The following PKNOX2 variants were observed in gnomAD, a reference collection of about 807,000 sequenced individuals.
The protein encoded by PKNOX2 is homeobox protein PKNOX2.
Under a neutral mutation model 53.1 loss-of-function variants are expected in PKNOX2, and 14 were observed. The ratio of observed to expected loss-of-function variants is 0.26; its 90% confidence interval spans 0.17 to 0.41. The LOEUF is 0.41. Among genes scored for constraint, PKNOX2 ranks in the 10% least tolerant of loss-of-function variants. The pLI, the probability that PKNOX2 is intolerant of heterozygous loss-of-function variation, is 1.00. For synonymous variants in PKNOX2, 257 were observed against 242.8 expected (o/e 1.06, Z -0.54); for missense variants, 496 against 602.8 (o/e 0.82, Z 1.85).
At chr11:125,288,782 G>A (rs1384663711) in intron 2 of PKNOX2, among the ~76,000 whole-genome samples, 1 of 152,216 alleles carries the variant, frequency 6.6e-6, no homozygotes, top group African/African-American at 2.4e-5. Flanking sequence ...CGGAAAGATT[G>A]TGAGAAATGC....
chr11:125,249,131 G>T (rs1041382392), intron 2 of PKNOX2, among the ~76,000 whole-genome samples: 1 of 129,534 alleles, frequency 7.7e-6, no homozygotes, highest in Non-Finnish European at 1.7e-5. Flanking sequence ...AATTTTTACT[G>T]GTAGAGTTTT....
chr11:125,320,368 A>G (rs1949451934), intron 2 of PKNOX2, among the ~76,000 whole-genome samples: 2 of 152,258 alleles, frequency 1.3e-5, no homozygotes, highest in East Asian at 1.9e-4. Flanking sequence ...AGAACAAGAG[A>G]TACACCCTAG....
chr11:125,389,322 T>C (rs1011538979), intron 6 of PKNOX2, among the ~76,000 whole-genome samples: 1 of 152,230 alleles, frequency 6.6e-6, no homozygotes, highest in Non-Finnish European at 1.5e-5. Flanking sequence ...AGCTGACTCC[T>C]GATCCTCCGC....
intron 10 of PKNOX2, among the ~76,000 whole-genome samples, chr11:125,418,608 G>C (rs1222367243): frequency 6.6e-6 from 1 of 152,012 alleles, no homozygotes; most frequent in East Asian, 1.9e-4. Flanking sequence ...CCAGCCAGTT[G>C]CCTCTGTGCC....
intron 2 of PKNOX2, among the ~76,000 whole-genome samples, chr11:125,255,302 C>T (rs1283440156): frequency 4.6e-5 from 7 of 152,168 alleles, no homozygotes; most frequent in African/African-American, 9.7e-5. Flanking sequence ...GGAGCATTTC[C>T]GTGATGCCTC....
At chr11:125,202,692 C>T (rs1158407483) in intron 1 of PKNOX2, among the ~76,000 whole-genome samples, 1 of 150,232 alleles carries the variant, frequency 6.7e-6, no homozygotes, top group East Asian at 2.0e-4. Flanking sequence ...GTGGAATGTG[C>T]TCTTAGGGCT....
chr11:125,256,229 C>T (rs1290497018), intron 2 of PKNOX2, among the ~76,000 whole-genome samples: 2 of 151,934 alleles, frequency 1.3e-5, no homozygotes, highest in African/African-American at 4.8e-5. Flanking sequence ...GGGGAAGACC[C>T]AAGACACAGT....
At chr11:125,272,335 A>C (rs1296002457) in intron 2 of PKNOX2, among the ~76,000 whole-genome samples, 1 of 152,220 alleles carries the variant, frequency 6.6e-6, no homozygotes, top group African/African-American at 2.4e-5. Flanking sequence ...GCATCTGTGA[A>C]GCTCTTTACC....
chr11:125,301,727 C>A (rs1397866899), intron 2 of PKNOX2, among the ~76,000 whole-genome samples: 1 of 152,074 alleles, frequency 6.6e-6, no homozygotes, highest in South Asian at 2.1e-4. Context: ...TTGGTGGACT[C>A]AGCTTGGGCA....
At chr11:125,409,038 T>C (rs1473236837) in intron 7 of PKNOX2, among the ~76,000 whole-genome samples, 2 of 152,178 alleles carry the variant, frequency 1.3e-5, no homozygotes, top group Admixed American at 1.3e-4. Context: ...TTGGACCTGT[T>C]AACTGGTTCA....
chr11:125,174,831 G>A (rs1166627317), intron 1 of PKNOX2, among the ~76,000 whole-genome samples: 2 of 152,124 alleles, frequency 1.3e-5, no homozygotes, highest in South Asian at 2.1e-4. Context: ...GGTGGTGGAA[G>A]GAGCTCCTCT....
chr11:125,431,589 C>T lies in PKNOX2; in HGVS notation c.*197C>T. 4.7e-6 allele frequency: 3 copies of T among 634,232 alleles called. No individual in the cohort carries two copies. The highest frequency in any genetic ancestry group is 8.0e-6 in the Non-Finnish European group (3 of 373,386). The allele number at this position is 634,232 out of a possible 1,614,324, so 39.3% of individuals were successfully genotyped here. On this transcript the variant is annotated 3_prime_UTR_variant, in exon 13 of 13. Transcript: ENST00000298282. ...ACCGAGCTTCAATGAGGACCCCAGC[C>T]CCACTTCCCTGGAACTGCCGAGGAC...
chr11:125,241,538 A>G (rs2135600283), intron 2 of PKNOX2, among the ~76,000 whole-genome samples: 1 of 152,320 alleles, frequency 6.6e-6, no homozygotes, highest in South Asian at 2.1e-4. Context: ...TCCTGGTCAT[A>G]ACAGGCACCC....
rs1452928451 is a variant in PKNOX2, at chr11:125,207,306, G to T, written c.-200-27739G>T. ...TTTCATCTTGAGTTCCAACATCTATGGAACATATAGCTGGAGACGTCTAGC... is the reference window on the plus strand; with the variant it reads ...TTTCATCTTGAGTTCCAACATCTATTGAACATATAGCTGGAGACGTCTAGC... On this transcript the variant is annotated intron_variant, in intron 1 of 12. Transcript: ENST00000298282. Among the ~76,000 whole-genome samples, 4 of 151,508 alleles carry T rather than the reference G, an allele frequency of 2.6e-5. No individual in the cohort carries two copies. The East Asian group carries it at 7.7e-4, about 29-fold the overall frequency.
intron 1 of PKNOX2, among the ~76,000 whole-genome samples, chr11:125,223,290 C>T (rs996431751): frequency 6.6e-6 from 1 of 151,692 alleles, no homozygotes; most frequent in African/African-American, 2.4e-5. Context: ...AATGCAATGG[C>T]GCAATCTTGG....
chr11:125,416,259 C>T (rs1487381446), intron 10 of PKNOX2, among the ~76,000 whole-genome samples: 1 of 145,622 alleles, frequency 6.9e-6, no homozygotes, highest in Non-Finnish European at 1.5e-5. Context: ...GCCGAGATCC[C>T]GCCACTGCAC....
intron 2 of PKNOX2, among the ~76,000 whole-genome samples, chr11:125,330,763 A>G (rs559742714): frequency 6.7e-6 from 1 of 149,868 alleles, no homozygotes; most frequent in African/African-American, 2.5e-5. Context: ...CAAATGTCTA[A>G]ATTTCCACCA....
chr11:125,222,499 T>C (rs1941246670), intron 1 of PKNOX2, among the ~76,000 whole-genome samples: 1 of 152,238 alleles, frequency 6.6e-6, no homozygotes, highest in Admixed American at 6.5e-5. Context: ...ACAGTCTGAC[T>C]GGCTGGCCTC....
chr11:125,315,627 G>C (rs1373929037), intron 2 of PKNOX2, among the ~76,000 whole-genome samples: 1 of 152,212 alleles, frequency 6.6e-6, no homozygotes. Context: ...TGAGTGCATG[G>C]CAGCTAATGG....
Sources: allele counts gnomAD v4.1 joint callset (sites outside exome capture counted in the v4.1 genomes callset), GRCh38; gene constraint gnomAD v4.1.1; transcripts MANE v1.5; gene names NCBI Gene and HGNC (gene_info 2026-07-23, HGNC 2026-07-21).